Variants in IMMP2L observed in about 807,000 individuals in gnomAD.
IMMP2L encodes mitochondrial inner membrane protease subunit 2.
IMMP2L carries 18 observed loss-of-function variants against 19.3 expected under a neutral mutation model. The observed-to-expected ratio is 0.93, with a 90% CI of 0.64 to 1.38. The LOEUF is 1.38. IMMP2L is among the 40% of genes most tolerant of loss of function. The pLI, the probability that IMMP2L is intolerant of heterozygous loss-of-function variation, is 0.00. For missense variants in IMMP2L, 233 were observed against 218.2 expected (o/e 1.07, Z -0.43); for synonymous variants, 76 against 73.0 (o/e 1.04, Z -0.21).
chr7:111,023,792 TA>T (rs1341867980), intron 3 of IMMP2L, among the ~76,000 whole-genome samples: 1 of 152,194 alleles, frequency 6.6e-6, no homozygotes, highest in East Asian at 1.9e-4. Flanking sequence ...ATGTAGTGGT[TA>T]ATGTATGGGC....
At chr7:110,959,999 A>T (rs1818764519) in intron 4 of IMMP2L, among the ~76,000 whole-genome samples, 1 of 152,002 alleles carries the variant, frequency 6.6e-6, no homozygotes, top group Non-Finnish European at 1.5e-5. Flanking sequence ...CTGATCAAGC[A>T]TTGCAGTTTC....
chr7:110,794,097 T>C (rs536952519), intron 5 of IMMP2L, among the ~76,000 whole-genome samples: 8 of 152,246 alleles, frequency 5.3e-5, no homozygotes, highest in African/African-American at 1.7e-4. Flanking sequence ...TGGCAGTTTC[T>C]TTCAAAACTA....
chr7:111,481,757 G>C (rs767290350), intron 3 of IMMP2L, among the ~76,000 whole-genome samples: 2 of 152,148 alleles, frequency 1.3e-5, no homozygotes, highest in Admixed American at 6.5e-5. Flanking sequence ...CTCAGACTTT[G>C]GGATTTTATC....
At chr7:110,970,912 G>C (rs2129556551) in intron 3 of IMMP2L, among the ~76,000 whole-genome samples, 1 of 152,224 alleles carries the variant, frequency 6.6e-6, no homozygotes, top group East Asian at 1.9e-4. Context: ...TAGATATTTG[G>C]TTTCAGTCAG....
At chr7:111,379,753 A>G (rs1007443503) in intron 3 of IMMP2L, among the ~76,000 whole-genome samples, 1 of 151,960 alleles carries the variant, frequency 6.6e-6, no homozygotes, top group Non-Finnish European at 1.5e-5. Flanking sequence ...GTAACTGCCT[A>G]CTATTTGCTC....
At chr7:111,374,954 T>A (rs1392753958) in intron 3 of IMMP2L, among the ~76,000 whole-genome samples, 1 of 152,114 alleles carries the variant, frequency 6.6e-6, no homozygotes. Context: ...AAATATGATA[T>A]CACGATGTAT....
At chr7:111,539,250 G>GAAAGAAAGAAAGAAAGAA (rs1848295579) in intron 1 of IMMP2L, among the ~76,000 whole-genome samples, 4 of 143,708 alleles carry the variant, frequency 2.8e-5, no homozygotes, top group African/African-American at 1.0e-4. Context: ...AAGAAAGAAA[G>GAAAGAAAGAAAGAAAGAA]AAAGAAAGAA....
At chr7:110,878,116 G>C (rs1394170368) in intron 5 of IMMP2L, among the ~76,000 whole-genome samples, 2 of 136,832 alleles carry the variant, frequency 1.5e-5, no homozygotes, top group South Asian at 2.1e-4. Context: ...GAGTGCCCCT[G>C]TCCTGTTCTT....
chr7:111,558,033 A>G (rs1791578126), intron 1 of IMMP2L, among the ~76,000 whole-genome samples: 1 of 152,174 alleles, frequency 6.6e-6, no homozygotes, highest in East Asian at 1.9e-4. Context: ...ATGGTTATTC[A>G]GGTAGTATGA....
intron 3 of IMMP2L, among the ~76,000 whole-genome samples, chr7:111,092,842 A>G (rs1291420595): frequency 6.6e-6 from 1 of 152,122 alleles, no homozygotes; most frequent in Non-Finnish European, 1.5e-5. Context: ...TAGCATTTGT[A>G]TTTCATCTTC....
At chr7:110,920,102 C>T (rs1207772356) in intron 4 of IMMP2L, among the ~76,000 whole-genome samples, 2 of 152,144 alleles carry the variant, frequency 1.3e-5, no homozygotes, top group Admixed American at 6.6e-5. Flanking sequence ...CTGAAGGCTG[C>T]ACTGTTGGCT....
intron 3 of IMMP2L, among the ~76,000 whole-genome samples, chr7:111,272,213 A>C (rs1818540086): frequency 6.6e-6 from 1 of 152,166 alleles, no homozygotes; most frequent in South Asian, 2.1e-4. Flanking sequence ...TATCTTGTGT[A>C]AACTCTCCCA....
intron 3 of IMMP2L, among the ~76,000 whole-genome samples, chr7:111,325,285 G>T (rs1584633363): frequency 6.6e-6 from 1 of 151,188 alleles, no homozygotes; most frequent in East Asian, 1.9e-4. Context: ...AGTTCAAAAA[G>T]GTATATAAAA....
intron 5 of IMMP2L, among the ~76,000 whole-genome samples, chr7:110,878,519 T>A (rs1809302924): frequency 6.6e-6 from 1 of 151,644 alleles, no homozygotes; most frequent in Admixed American, 6.6e-5. Context: ...AATTTACTTT[T>A]AAATTTTTAC....
At chr7:111,042,600 G>A (rs145921705) in intron 3 of IMMP2L, among the ~76,000 whole-genome samples, 1 of 152,326 alleles carries the variant, frequency 6.6e-6, no homozygotes, top group Non-Finnish European at 1.5e-5. Flanking sequence ...AGGGCTCCTG[G>A]TTAGGCAAAG....
chr7:110,933,290 C>A (rs1815711854), intron 4 of IMMP2L, among the ~76,000 whole-genome samples: 1 of 152,076 alleles, frequency 6.6e-6, no homozygotes, highest in African/African-American at 2.4e-5. Context: ...CCTTGAATAC[C>A]ACCTTGAACA....
chr7:111,439,846 G>A (rs1480134978), intron 3 of IMMP2L, among the ~76,000 whole-genome samples: 1 of 151,924 alleles, frequency 6.6e-6, no homozygotes, highest in African/African-American at 2.4e-5. Flanking sequence ...ATTAGGGTCA[G>A]TCCTTTAAAA....
At chr7:111,479,702 A>G (rs903787031) in intron 3 of IMMP2L, among the ~76,000 whole-genome samples, 5 of 151,776 alleles carry the variant, frequency 3.3e-5, no homozygotes, top group African/African-American at 1.2e-4. Context: ...TCTTGTACTT[A>G]CTCATTTTTT....
In IMMP2L at chr7:111,301,921, TAAAAAAAAAAAAAA is replaced by T. The variant is rs59156229; in HGVS notation, c.239+185303_239+185316del. Among the ~76,000 whole-genome samples the T allele has an allele frequency of 8.2e-3, 681 of 83,182 alleles. 8 individuals are homozygous for T. Among genetic ancestry groups the T allele is most frequent in the Middle Eastern group, 0.021 (2 of 96 alleles). 54.6% of individuals were successfully genotyped at this position (83,182 alleles called of 152,430 possible). A position where few individuals can be genotyped will look rare whatever the true frequency, so the allele number is the denominator to read the frequency against. ...ATTACGCCATGTCAGTTTCATGCTT[TAAAAAAAAAAAAAA>T]AAAAAAAAAAAAAAAACCTTAAGAA... On this transcript the variant is annotated intron_variant, in intron 3 of 5. Transcript: ENST00000405709.
Sources: allele counts gnomAD v4.1 joint callset (sites outside exome capture counted in the v4.1 genomes callset), GRCh38; gene constraint gnomAD v4.1.1; transcripts MANE v1.5; gene names NCBI Gene and HGNC (gene_info 2026-07-23, HGNC 2026-07-21).